TET2: variants seen among roughly 807,000 people sequenced by gnomAD.
The protein encoded by TET2 is tet methylcytosine dioxygenase 2, also known as methylcytosine dioxygenase TET2.
Under a neutral mutation model 142.9 loss-of-function variants are expected in TET2, and 299 were observed. The ratio of observed to expected loss-of-function variants is 2.09; its 90% confidence interval spans 1.90 to 2.30. The LOEUF is 2.30. TET2 is among the 30% of genes most tolerant of loss of function. The probability of loss-of-function intolerance (pLI) is 0.00; values close to 1 mark genes in which losing one functional copy is unlikely to be tolerated. For synonymous variants in TET2, 819 were observed against 849.0 expected, an observed-to-expected ratio of 0.96 and a Z score of 0.61; for missense variants, 2,418 against 2,378.0, an observed-to-expected ratio of 1.02 and a Z score of -0.35.
chr4:105,224,156 C>T (rs1177560109), intron 2 of TET2, among the ~76,000 whole-genome samples: 1 of 151,522 alleles, frequency 6.6e-6, no homozygotes, highest in African/African-American at 2.4e-5. Context: ...ATACCCCCAC[C>T]TAGAAAAGCA....
intron 2 of TET2, among the ~76,000 whole-genome samples, chr4:105,195,209 G>C (rs1200659202): frequency 1.3e-5 from 2 of 152,082 alleles, no homozygotes; most frequent in Non-Finnish European, 2.9e-5. Context: ...AGCTGCCTCT[G>C]TTGATCTCAG....
chr4:105,191,190 A>G (rs534947484), intron 2 of TET2, among the ~76,000 whole-genome samples: 3 of 152,294 alleles, frequency 2.0e-5, no homozygotes, highest in East Asian at 3.9e-4. Flanking sequence ...CCCAGTTCAT[A>G]TGATTTTCTG....
At chr4:105,246,674 G>C (rs1302100210) in intron 6 of TET2, among the ~76,000 whole-genome samples, 2 of 152,182 alleles carry the variant, frequency 1.3e-5, no homozygotes, top group Non-Finnish European at 2.9e-5. Flanking sequence ...ATGGCTGGCA[G>C]AAATGAAAAT....
chr4:105,164,291 G>C (rs1468865826), intron 1 of TET2, among the ~76,000 whole-genome samples: 2 of 152,166 alleles, frequency 1.3e-5, no homozygotes, highest in East Asian at 1.9e-4. Flanking sequence ...GCAATAGGAA[G>C]ATCTAATTTA....
intron 8 of TET2, among the ~76,000 whole-genome samples, chr4:105,262,358 C>A (rs1211004647): frequency 6.9e-6 from 1 of 144,004 alleles, no homozygotes; most frequent in African/African-American, 2.8e-5. Context: ...ATACACCAAG[C>A]AAAAACATTT....
intron 1 of TET2, among the ~76,000 whole-genome samples, chr4:105,152,217 G>A (rs370446604): frequency 6.6e-6 from 1 of 152,096 alleles, no homozygotes; most frequent in Non-Finnish European, 1.5e-5. Context: ...GGAGGCAGAG[G>A]CTGCGGTGAG....
chr4:105,188,224 A>G (rs4699165), intron 1 of TET2, among the ~76,000 whole-genome samples: 112,197 of 152,048 alleles, frequency 0.74, 42,012 homozygotes, highest in African/African-American at 0.87. Context: ...CTAGAAAATA[A>G]ATGGATCTTG....
In TET2 at chr4:105,252,174, C is replaced by T. The variant is rs143965321; in HGVS notation, c.3804-7445C>T. 6.6e-3 allele frequency among the ~76,000 whole-genome samples: 1,008 copies of T among 152,268 alleles called. 5 individuals are homozygous for T. Among genetic ancestry groups the T allele is most frequent in the Non-Finnish European group, 0.011 (746 of 67,994 alleles). The stretch of plus-strand genomic sequence containing the variant: ...CACTGCCTTAAAAGTCCTCTGTACC[C>T]TACCTATTTTTCTCTCCTACCCCAC... On this transcript the variant is annotated intron_variant, in intron 6 of 10. Transcript: ENST00000380013.
chr4:105,223,051 C>T (rs962082307), intron 2 of TET2, among the ~76,000 whole-genome samples: 1 of 152,102 alleles, frequency 6.6e-6, no homozygotes, highest in Non-Finnish European at 1.5e-5. Flanking sequence ...TTTCTGAGGG[C>T]TCTGTTCTGT....
chr4:105,157,130 A>T (rs1462732744), intron 1 of TET2, among the ~76,000 whole-genome samples: 1 of 152,184 alleles, frequency 6.6e-6, no homozygotes, highest in Non-Finnish European at 1.5e-5. Context: ...TTCTACAAAT[A>T]CAGTGTCTGA....
At position 105,217,465 on chromosome 4, in the gene TET2, G is replaced by A. The variant is rs149311785; in HGVS notation, c.-46-16432G>A. Among the ~76,000 whole-genome samples the A allele has an allele frequency of 9.9e-4, 150 of 152,038 alleles. 1 individual carries two copies. Among genetic ancestry groups the A allele is most frequent in the African/African-American group, 3.5e-3 (144 of 41,526 alleles). On this transcript the variant is annotated intron_variant, in intron 2 of 10. Coordinates refer to ENST00000380013, the MANE Select transcript of TET2 (RefSeq NM_001127208.3). ...CTATGCACAGATTAAAATTACATAAGATATCATATACTACATCTGAATTAG... is the reference window on the plus strand; with the variant it reads ...CTATGCACAGATTAAAATTACATAAAATATCATATACTACATCTGAATTAG...
At chr4:105,214,430 C>T (rs555499024) in intron 2 of TET2, among the ~76,000 whole-genome samples, 1 of 150,382 alleles carries the variant, frequency 6.6e-6, no homozygotes, top group East Asian at 2.0e-4. Flanking sequence ...TCTCAGCCTC[C>T]CAAGTACCTG....
intron 2 of TET2, among the ~76,000 whole-genome samples, chr4:105,227,905 C>T (rs527822468): frequency 1.7e-4 from 26 of 152,118 alleles, no homozygotes; most frequent in African/African-American, 5.1e-4. Flanking sequence ...TTTTATCTTA[C>T]GCAAAAATTA....
rs368392010 is a variant in TET2, at chr4:105,258,857, T to C, written c.3804-762T>C. On this transcript the variant is annotated intron_variant, in intron 6 of 10. Transcript: ENST00000380013. ...ATTAGAATGTATCAAACTAGGGCTA[T>C]AAAGCTGTAATACTATATTTTAGCC... 2.8e-4 allele frequency among the ~76,000 whole-genome samples: 43 copies of C among 152,294 alleles called. No homozygotes were observed. The South Asian group carries it at 7.7e-3, about 27-fold the overall frequency.
Position 105,269,673 on chromosome 4 carries a change from G to A in TET2, c.4108G>A (p.Gly1370Arg), listed in dbSNP as rs1730855562. 2 of 1,551,624 alleles carry A rather than the reference G, an allele frequency of 1.3e-6. No homozygotes were observed. Among genetic ancestry groups the A allele is most frequent in the Non-Finnish European group, 1.7e-6 (2 of 1,146,934 alleles). The change falls in exon 9 of 11, where the codon GGG becomes AGG. Residue 1370 changes from glycine (G) to arginine (R), a missense_variant. Coordinates refer to ENST00000380013, the MANE Select transcript of TET2 (RefSeq NM_001127208.3). ...TCTGAAGGAAGGCCGTCCATTCTCA[G>A]GGGTCACTGCATGTTTGGACTTCTG... ...LGLKEGRPFS[G>R]VTACLDFCAH... is the part of the protein sequence containing the mutation.
chr4:105,243,795 G>A lies in TET2; in HGVS notation c.3803+17G>A, dbSNP rs2110256286. On this transcript the variant is annotated intron_variant, in intron 6 of 10. Coordinates refer to ENST00000380013, the MANE Select transcript of TET2 (RefSeq NM_001127208.3). ...GAATGAAGAGTAAGTGAAGCCCAGG[G>A]CCTCTCCCCTCTTTGCGGCCACTGA... The A allele has an allele frequency of 6.5e-7, 1 of 1,548,520 alleles. No homozygotes were observed. The highest frequency in any genetic ancestry group is 1.4e-5 in the African/African-American group (1 of 73,092).
intron 8 of TET2, among the ~76,000 whole-genome samples, chr4:105,267,777 A>T (rs188050260): frequency 6.6e-6 from 1 of 152,138 alleles, no homozygotes. Flanking sequence ...AAAAACCAAG[A>T]AAACCACTTT....
intron 2 of TET2, among the ~76,000 whole-genome samples, chr4:105,205,953 A>T (rs1726796306): frequency 6.6e-6 from 1 of 152,124 alleles, no homozygotes; most frequent in Non-Finnish European, 1.5e-5. Flanking sequence ...ATCTTAATGG[A>T]GCATTTAGAA....
Position 105,259,770 on chromosome 4 carries a change from GT to G in TET2, c.3954+4del, listed in dbSNP as rs1730331803. On this transcript the variant is annotated splice_donor_variant, in intron 7 of 10. Coordinates refer to ENST00000380013, the MANE Select transcript of TET2 (RefSeq NM_001127208.3). LOFTEE classifies it high-confidence loss of function. Reference sequence around the variant, plus strand: ...GCTGCTTGGGGATGACCCAAAAGAGGTTTGTTTACTTCCTGATGTATAATCG... The same window carrying G: ...GCTGCTTGGGGATGACCCAAAAGAGGTTGTTTACTTCCTGATGTATAATCG... 1 of 1,549,514 alleles carries G rather than the reference GT, an allele frequency of 6.5e-7. No individual in the cohort carries two copies. Among genetic ancestry groups the G allele is most frequent in the Non-Finnish European group, 8.7e-7 (1 of 1,145,888 alleles).
Sources: allele counts gnomAD v4.1 joint callset (sites outside exome capture counted in the v4.1 genomes callset), GRCh38; gene constraint gnomAD v4.1.1; transcripts MANE v1.5; gene names NCBI Gene and HGNC (gene_info 2026-07-23, HGNC 2026-07-21).